The following MED16 variants were observed in gnomAD, a reference collection of about 807,000 sequenced individuals.
MED16 encodes the protein mediator complex subunit 16, also known as mediator of RNA polymerase II transcription subunit 16.
MED16 carries 81 observed loss-of-function variants against 84.4 expected under a neutral mutation model. The observed-to-expected ratio is 0.96, with a 90% CI of 0.80 to 1.15. MED16 has a LOEUF of 1.15. Ranked by LOEUF, MED16 falls within the 50% of genes most tolerant of loss-of-function variation. The pLI, the probability that MED16 is intolerant of heterozygous loss-of-function variation, is 0.00. For synonymous variants in MED16, 897 were observed against 552.2 expected (o/e 1.62, Z -8.76); for missense variants, 1,585 against 1,245.9 (o/e 1.27, Z -4.10).
intron 13 of MED16, among the ~76,000 whole-genome samples, 180 bp downstream of exon 13, chr19:870,857 G>C (rs1327364037): frequency 6.1e-5 from 9 of 148,580 alleles, no homozygotes; most frequent in African/African-American, 2.2e-4. Context: ...AGGACATGGA[G>C]GGAGGGAGCC....
At position 868,378 on chromosome 19, in the gene MED16, G is replaced by A. The variant is rs565341621; in HGVS notation, c.2483+38C>T. 18 of 1,601,110 alleles carry A rather than the reference G, an allele frequency of 1.1e-5. No individual in the cohort carries two copies. The Middle Eastern group carries it at 6.7e-4, about 60-fold the overall frequency. On this transcript the variant is annotated intron_variant, in intron 15 of 15. Transcript: ENST00000325464. ...TAGCTGAGGGGCAGCTGGGCTCAGG[G>A]GTAGCTGAGGGGCACCCGCCACCAG...
chr19:886,837 G>T (rs2036536278), intron 4 of MED16, among the ~76,000 whole-genome samples: 1 of 152,036 alleles, frequency 6.6e-6, no homozygotes, highest in African/African-American at 2.4e-5. Context: ...GCACTTTGGG[G>T]GGCTGAGGCA....
chr19:868,624 C>T, intron 14 of MED16, 125 bp from the exon 15 acceptor site: 2 of 1,306,656 alleles, frequency 1.5e-6, no homozygotes, highest in Non-Finnish European at 2.1e-6. Flanking sequence ...CCCCACGTCC[C>T]CACCTGCCAC....
In MED16 at chr19:889,745, G is replaced by C. The variant is rs778563442; in HGVS notation, c.340C>G (p.Leu114Val). The C allele has an allele frequency of 6.2e-7, 1 of 1,613,502 alleles. No individual in the cohort carries two copies. The highest frequency in any genetic ancestry group is 2.2e-5 in the East Asian group (1 of 44,898). ...QIKCWSMADH[L>V]ANSWESSVGS... Reference sequence around the variant, plus strand: ...ACTGAGCTCTCCCAGCTATTAGCCAGGTGGTCCGCCATGCTCCAGCACTTG... The same window carrying C: ...ACTGAGCTCTCCCAGCTATTAGCCACGTGGTCCGCCATGCTCCAGCACTTG... Residue 114 changes from leucine (L) to valine (V), a missense_variant, in exon 4 of 16, where the codon CTG (leucine) becomes GTG (valine). Coordinates refer to ENST00000325464, the MANE Select transcript of MED16 (RefSeq NM_005481.3).
Position 868,106 on chromosome 19 carries a change from G to T in MED16, c.2629C>A (p.Pro877Thr), listed in dbSNP as rs1393407800. ...SLDHLHPEDRP is the reference protein window; with the variant it reads ...SLDHLHPEDRT ...TCCGCCTGGACCCCCGGCCGTCACG[G>T]ACGGTCCTCTGGATGCAGATGGTCC... The change falls in exon 16 of 16, where the codon CCG (proline) becomes ACG (threonine). Residue 877 changes from proline (P) to threonine (T), a missense_variant. Physicochemically the swap from Pro to Thr is conservative, Grantham distance 38. Coordinates refer to ENST00000325464, the MANE Select transcript of MED16 (RefSeq NM_005481.3). 1 of 1,608,016 alleles carries T rather than the reference G, an allele frequency of 6.2e-7. No individual in the cohort carries two copies. The highest frequency in any genetic ancestry group is 8.5e-7 in the Non-Finnish European group (1 of 1,178,530).
chr19:869,673 T>TCCCTGGAGG (rs2036000497), intron 13 of MED16, among the ~76,000 whole-genome samples: 1 of 152,040 alleles, frequency 6.6e-6, no homozygotes, highest in African/African-American at 2.4e-5. Context: ...GGGGGTGCCT[T>TCCCTGGAGG]CCCTGGAGGT....
At chr19:873,727 G>C (rs376767001) in intron 10 of MED16, 145 bp from the exon 11 acceptor site, 24 of 988,206 alleles carry the variant, frequency 2.4e-5, no homozygotes, top group Non-Finnish European at 3.4e-5. Flanking sequence ...AGAAGGGGGC[G>C]ATGGCGTTGC....
intron 6 of MED16, among the ~76,000 whole-genome samples, chr19:882,377 G>A (rs1051169869): frequency 4.1e-5 from 6 of 145,048 alleles, no homozygotes; most frequent in African/African-American, 1.6e-4. Context: ...AGCTGTGTGT[G>A]GTGGTGATGC....
intron 13 of MED16, among the ~76,000 whole-genome samples, chr19:869,779 C>T (rs1473416309): frequency 1.3e-5 from 2 of 152,192 alleles, no homozygotes; most frequent in East Asian, 1.9e-4. Flanking sequence ...AAATTCCAGC[C>T]CTGAGCAATC....
chr19:871,258 GGA>G lies in MED16; in HGVS notation c.2099-7_2099-6del, dbSNP rs1568318579. ...TCGCTGGGCCCTCATCGCGACCTGC[GGA>G]GAGAGGTGGCGGAAGTCTCAGCACC... On this transcript the variant is annotated splice_polypyrimidine_tract_variant and splice_region_variant and intron_variant, in intron 12 of 15. Coordinates refer to ENST00000325464, the MANE Select transcript of MED16 (RefSeq NM_005481.3). 4 of 1,530,636 alleles carry G rather than the reference GGA, an allele frequency of 2.6e-6. No individual in the cohort carries two copies. The highest frequency in any genetic ancestry group is 1.2e-5 in the South Asian group (1 of 83,548). The allele number at this position is 1,530,636 out of a possible 1,614,324, so 94.8% of individuals were successfully genotyped here.
intron 8 of MED16, among the ~76,000 whole-genome samples, chr19:878,147 G>C (rs1342699080): frequency 7.9e-6 from 1 of 126,010 alleles, no homozygotes; most frequent in Non-Finnish European, 1.6e-5. Context: ...ATGCTCAGCA[G>C]CTCACCTTCC....
intron 10 of MED16, among the ~76,000 whole-genome samples, chr19:873,882 G>A (rs1453596432): frequency 6.6e-6 from 1 of 152,194 alleles, no homozygotes; most frequent in Non-Finnish European, 1.5e-5. Context: ...CGGCCTGCTG[G>A]TGCACATCTG....
chr19:882,502 C>T (rs1459925095), intron 6 of MED16, among the ~76,000 whole-genome samples: 1 of 152,192 alleles, frequency 6.6e-6, no homozygotes, highest in Non-Finnish European at 1.5e-5. Context: ...CCAGCCTGGG[C>T]AACACAGCAA....
At position 870,390 on chromosome 19, in the gene MED16, C is replaced by T. The variant is rs1309981543; in HGVS notation, c.2315+647G>A. Among the ~76,000 whole-genome samples, 6 of 152,000 alleles carry T rather than the reference C, an allele frequency of 3.9e-5. No homozygotes were observed. The South Asian group carries it at 1.0e-3, about 26-fold the overall frequency. ...AGCCTGGCCAACATTGCAAAACCGC[C>T]TCTATACCAAAAATACAAAAAATAC... On this transcript the variant is annotated intron_variant, in intron 13 of 15. Coordinates refer to ENST00000325464, the MANE Select transcript of MED16 (RefSeq NM_005481.3).
chr19:892,553 C>T (rs530246716), intron 1 of MED16: 1 of 151,922 alleles, frequency 6.6e-6, no homozygotes, highest in African/African-American at 2.4e-5. Context: ...AGGCCCCGCC[C>T]CTATAACCCC....
chr19:870,497 G>T (rs944944287), intron 13 of MED16, among the ~76,000 whole-genome samples: 1 of 150,994 alleles, frequency 6.6e-6, no homozygotes, highest in African/African-American at 2.4e-5. Context: ...AGAGGCAGAC[G>T]TTGCAGTGGG....
chr19:885,618 G>GGA lies in MED16; in HGVS notation c.879+151_879+152insTC, dbSNP rs1268435030. ...CCAGATGCTGGGAAAGGCAGAAAATGGGTTCTCCCCTGGAGCCCCCGGGAG... is the reference window on the plus strand; with the variant it reads ...CCAGATGCTGGGAAAGGCAGAAAATGGAGGTTCTCCCCTGGAGCCCCCGGGAG... On this transcript the variant is annotated intron_variant, in intron 5 of 15. Transcript: ENST00000325464. 90 of 905,624 alleles carry GGA rather than the reference G, an allele frequency of 9.9e-5. No homozygotes were observed. In the East Asian group the frequency reaches 2.4e-3, roughly 24 times the overall value. 56.1% of individuals were successfully genotyped at this position (905,624 alleles called of 1,614,324 possible).
Position 871,241 on chromosome 19 carries a change from C to A in MED16, c.2111G>T (p.Gly704Val), listed in dbSNP as rs1033087086. The A allele has an allele frequency of 6.5e-7, 1 of 1,538,804 alleles. No homozygotes were observed. The highest frequency in any genetic ancestry group is 2.4e-5 in the East Asian group (1 of 40,826). ...CGCCTCGTCCGGCTCGCTCGCTGGG[C>A]CCTCATCGCGACCTGCGGAGAGAGG... is the stretch of plus-strand genomic sequence containing the variant. ...TKLWICCRDE[G>V]PASEPDEALV... is the part of the protein sequence containing the mutation. Residue 704 changes from glycine to valine, a missense_variant, in exon 13 of 16, where the codon GGC (glycine) becomes GTC (valine). Physicochemically the swap from Gly to Val is moderately radical, Grantham distance 109. Transcript: ENST00000325464.
At chr19:868,971 G>C (rs542284590) in intron 13 of MED16, 25 bp from the exon 14 acceptor site, 1 of 1,523,352 alleles carries the variant, frequency 6.6e-7, no homozygotes, top group African/African-American at 1.4e-5. Context: ...GAGAACGTGA[G>C]GGAGGCCTGG....
Sources: gnomAD v4.1 joint callset for allele counts (sites outside exome capture counted in the v4.1 genomes callset) on GRCh38, gnomAD v4.1.1 for gene constraint, MANE v1.5 for transcripts, NCBI Gene and HGNC (gene_info 2026-07-23, HGNC 2026-07-21) for gene names.